Variants in TAFA1 observed in about 807,000 individuals in gnomAD.
The protein encoded by TAFA1 is chemokine-like protein TAFA-1.
Under a neutral mutation model 18.5 loss-of-function variants are expected in TAFA1, and 4 were observed. The ratio of observed to expected loss-of-function variants is 0.22; its 90% confidence interval spans 0.11 to 0.49. The LOEUF (loss-of-function observed/expected upper bound fraction) is 0.49, where lower values mean the gene tolerates loss of function less well. TAFA1 is among the 20% of genes least tolerant of loss of function. The probability of loss-of-function intolerance (pLI) is 0.98; values close to 1 mark genes in which losing one functional copy is unlikely to be tolerated. For missense variants in TAFA1, 147 were observed against 169.0 expected, an observed-to-expected ratio of 0.87 and a Z score of 0.72; for synonymous variants, 56 against 55.2, an observed-to-expected ratio of 1.01 and a Z score of -0.06.
At chr3:68,110,431 T>C (rs1042103612) in intron 2 of TAFA1, among the ~76,000 whole-genome samples, 13 of 152,216 alleles carry the variant, frequency 8.5e-5, no homozygotes, top group African/African-American at 2.7e-4. Context: ...AGTGCTGCAA[T>C]GAACATACAC....
rs1048544713 is a variant in TAFA1, at chr3:68,332,981, T to C, written c.119-84299T>C. The stretch of plus-strand genomic sequence containing the variant: ...CATTTCACACCAATCAAAATAGCTA[T>C]TCCTAAAAAGTCAAAAAATAACAGA... On this transcript the variant is annotated intron_variant, in intron 2 of 4. Coordinates refer to ENST00000478136, the MANE Select transcript of TAFA1 (RefSeq NM_213609.4). 5.3e-5 allele frequency among the ~76,000 whole-genome samples: 8 copies of C among 152,196 alleles called. 1 individual carries two copies. In the South Asian group the frequency reaches 1.7e-3, roughly 31 times the overall value.
intron 2 of TAFA1, among the ~76,000 whole-genome samples, chr3:68,015,476 G>A (rs1438833893): frequency 2.0e-5 from 3 of 151,798 alleles, no homozygotes; most frequent in Non-Finnish European, 2.9e-5. Flanking sequence ...TAGAAGAGAC[G>A]AGGGTTTCAC....
At chr3:67,991,930 C>T in the TAFA1 span, among the ~76,000 whole-genome samples, 1 of 152,116 alleles carries the variant, frequency 6.6e-6, no homozygotes, top group Non-Finnish European at 1.5e-5. Context: ...TTCTGTTTCT[C>T]TGGAGAACCC....
intron 3 of TAFA1, among the ~76,000 whole-genome samples, chr3:68,523,576 A>G (rs2106756412): frequency 6.6e-6 from 1 of 152,310 alleles, no homozygotes; most frequent in South Asian, 2.1e-4. Context: ...TTTAGAAGCA[A>G]AAACTCATAA....
intron 2 of TAFA1, among the ~76,000 whole-genome samples, chr3:68,056,182 A>T (rs902924674): frequency 1.3e-5 from 2 of 152,156 alleles, no homozygotes; most frequent in Non-Finnish European, 2.9e-5. Context: ...ATTTCATAGC[A>T]CACCATTCCA....
At chr3:68,044,613 A>G (rs758866569) in intron 2 of TAFA1, among the ~76,000 whole-genome samples, 1 of 152,220 alleles carries the variant, frequency 6.6e-6, no homozygotes, top group Non-Finnish European at 1.5e-5. Context: ...AAACAATTTC[A>G]TCTTCTTACA....
At chr3:68,329,809 T>G (rs1319012875) in intron 2 of TAFA1, among the ~76,000 whole-genome samples, 3 of 152,242 alleles carry the variant, frequency 2.0e-5, no homozygotes, top group Non-Finnish European at 4.4e-5. Flanking sequence ...GAAGAAATTC[T>G]GTGCTGAGAG....
intron 3 of TAFA1, among the ~76,000 whole-genome samples, chr3:68,447,155 C>T (rs557566352): frequency 1.3e-5 from 2 of 152,274 alleles, no homozygotes; most frequent in South Asian, 4.1e-4. Context: ...AATATCCATA[C>T]GTGTGCCATG....
intron 3 of TAFA1, among the ~76,000 whole-genome samples, chr3:68,530,832 A>G (rs1327667105): frequency 1.3e-5 from 2 of 152,186 alleles, no homozygotes; most frequent in East Asian, 1.9e-4. Flanking sequence ...TAATTTTACA[A>G]GAATCTAAAT....
At chr3:68,012,008 C>A (rs1229305953) in intron 2 of TAFA1, among the ~76,000 whole-genome samples, 1 of 152,190 alleles carries the variant, frequency 6.6e-6, no homozygotes, top group Non-Finnish European at 1.5e-5. Flanking sequence ...TTATACCACA[C>A]TGCAAACAAA....
chr3:68,079,760 G>T (rs1445099768), intron 2 of TAFA1, among the ~76,000 whole-genome samples: 1 of 152,110 alleles, frequency 6.6e-6, no homozygotes, highest in Non-Finnish European at 1.5e-5. Context: ...GAATAGGTGT[G>T]GTGTGGTGCT....
intron 2 of TAFA1, among the ~76,000 whole-genome samples, chr3:68,058,502 A>G (rs1281251866): frequency 1.4e-4 from 21 of 152,162 alleles, no homozygotes; most frequent in Admixed American, 1.4e-3. Flanking sequence ...CATTTCCCAG[A>G]TAGACACATA....
At chr3:68,324,959 C>G (rs1035571546) in intron 2 of TAFA1, among the ~76,000 whole-genome samples, 4 of 152,116 alleles carry the variant, frequency 2.6e-5, no homozygotes, top group Non-Finnish European at 5.9e-5. Context: ...CAGTCTTCAT[C>G]ACAGTCACAG....
chr3:68,209,151 C>G (rs2066563456), intron 2 of TAFA1, among the ~76,000 whole-genome samples: 1 of 151,982 alleles, frequency 6.6e-6, no homozygotes, highest in African/African-American at 2.4e-5. Context: ...AGAAGCACAT[C>G]TTCACTTAGT....
chr3:68,174,208 T>C (rs1275397537), intron 2 of TAFA1, among the ~76,000 whole-genome samples: 2 of 152,154 alleles, frequency 1.3e-5, no homozygotes, highest in Non-Finnish European at 2.9e-5. Context: ...TGGTTGGTAT[T>C]TTGGTTTAAA....
At chr3:68,242,941 A>G (rs192937166) in intron 2 of TAFA1, among the ~76,000 whole-genome samples, 3 of 152,192 alleles carry the variant, frequency 2.0e-5, no homozygotes, top group Admixed American at 2.0e-4. Context: ...AAAAAGATCA[A>G]CTTATCCCTG....
chr3:68,412,237 C>A (rs1243991592), intron 2 of TAFA1, among the ~76,000 whole-genome samples: 1 of 152,032 alleles, frequency 6.6e-6, no homozygotes, highest in Non-Finnish European at 1.5e-5. Flanking sequence ...GCATGTACGT[C>A]AGGGTGGGAC....
At chr3:68,525,901 A>G in intron 3 of TAFA1, among the ~76,000 whole-genome samples, 1 of 152,220 alleles carries the variant, frequency 6.6e-6, no homozygotes, top group South Asian at 2.1e-4. Context: ...TCTGTGAGCC[A>G]GGCAAATAGT....
At chr3:68,054,755 G>A (rs566419623) in intron 2 of TAFA1, among the ~76,000 whole-genome samples, 8 of 152,272 alleles carry the variant, frequency 5.3e-5, no homozygotes, top group African/African-American at 1.9e-4. Context: ...GCCAACCTCT[G>A]AGTTTAATTG....
Sources: gnomAD v4.1 joint callset for allele counts (sites outside exome capture counted in the v4.1 genomes callset) on GRCh38, gnomAD v4.1.1 for gene constraint, MANE v1.5 for transcripts, NCBI Gene and HGNC (gene_info 2026-07-23, HGNC 2026-07-21) for gene names.